The following CHRM3 variants were observed in gnomAD, a reference collection of about 807,000 sequenced individuals.
CHRM3 encodes the protein cholinergic receptor muscarinic 3.
A neutral mutation model predicts 41.8 loss-of-function variants in CHRM3; 11 were observed. The ratio of observed to expected loss-of-function variants is 0.26; its 90% confidence interval spans 0.17 to 0.44. The LOEUF is 0.44. Among genes scored for constraint, CHRM3 ranks in the 20% least tolerant of loss-of-function variants. The probability of loss-of-function intolerance (pLI) is 1.00; values close to 1 mark genes in which losing one functional copy is unlikely to be tolerated. For synonymous variants in CHRM3, 297 were observed against 301.4 expected, an observed-to-expected ratio of 0.99 and a Z score of 0.15; for missense variants, 571 against 745.4, an observed-to-expected ratio of 0.77 and a Z score of 2.72.
At chr1:239,620,430 A>G (rs1239702801) in intron 3 of CHRM3, among the ~76,000 whole-genome samples, 3 of 152,180 alleles carry the variant, frequency 2.0e-5, no homozygotes, top group African/African-American at 4.8e-5. Context: ...ATACGTAGGT[A>G]GATACATATA....
chr1:239,555,899 G>A (rs962794772), intron 3 of CHRM3, among the ~76,000 whole-genome samples: 2 of 152,156 alleles, frequency 1.3e-5, no homozygotes, highest in African/African-American at 4.8e-5. Flanking sequence ...GCATCAAAAG[G>A]AACAGTTCAA....
At chr1:239,462,189 A>T (rs959129752) in intron 1 of CHRM3, among the ~76,000 whole-genome samples, 1 of 152,134 alleles carries the variant, frequency 6.6e-6, no homozygotes, top group Admixed American at 6.5e-5. Context: ...TGATTTGGAG[A>T]TATTTACTAA....
intron 5 of CHRM3, among the ~76,000 whole-genome samples, chr1:239,815,886 G>A (rs7543259): frequency 0.27 from 40,754 of 152,022 alleles, 5,701 homozygotes; most frequent in East Asian, 0.45. Context: ...TGAATGATGC[G>A]CAGTGACAGC....
At chr1:239,526,101 A>T (rs1023060922) in intron 2 of CHRM3, among the ~76,000 whole-genome samples, 14 of 152,170 alleles carry the variant, frequency 9.2e-5, no homozygotes, top group African/African-American at 2.4e-4. Flanking sequence ...ATATGGGGCA[A>T]TCGGAATTAA....
chr1:239,913,776 G>A lies in CHRM3; in HGVS notation c.*4552G>A, dbSNP rs142519548. The A allele has an allele frequency of 1.3e-3, 222 of 167,142 alleles. No individual in the cohort carries two copies. The highest frequency in any genetic ancestry group is 5.1e-3 in the African/African-American group (210 of 41,550). The allele number at this position is 167,142 out of a possible 1,614,324, so 10.4% of individuals were successfully genotyped here. A position where few individuals can be genotyped will look rare whatever the true frequency, so the allele number is the denominator to read the frequency against. On this transcript the variant is annotated 3_prime_UTR_variant, in exon 7 of 7. Coordinates refer to ENST00000676153, the MANE Select transcript of CHRM3 (RefSeq NM_001375978.1). ...GTAACTGCACAGTGTTTTGTTGTAC[G>A]GCTCAGAAATGAGCAAGTGTTAGTA...
chr1:239,607,609 A>C (rs983192011), intron 3 of CHRM3, among the ~76,000 whole-genome samples: 1 of 152,156 alleles, frequency 6.6e-6, no homozygotes, highest in Non-Finnish European at 1.5e-5. Context: ...GTTTTTTTAC[A>C]TGTAAATTAT....
At chr1:239,874,602 C>A (rs992818865) in intron 6 of CHRM3, among the ~76,000 whole-genome samples, 8 of 151,654 alleles carry the variant, frequency 5.3e-5, no homozygotes, top group Admixed American at 5.3e-4. Context: ...TTAGAGCACA[C>A]ACACACATTC....
chr1:239,599,204 AC>A (rs1403781305), intron 3 of CHRM3, among the ~76,000 whole-genome samples: 1 of 152,108 alleles, frequency 6.6e-6, no homozygotes, highest in East Asian at 1.9e-4. Context: ...ACCCAATAAA[AC>A]AATGACTGTT....
At chr1:239,856,823 G>A (rs544946744) in intron 6 of CHRM3, among the ~76,000 whole-genome samples, 1 of 152,116 alleles carries the variant, frequency 6.6e-6, no homozygotes, top group African/African-American at 2.4e-5. Flanking sequence ...TTAGAGAGGG[G>A]CATCACTAGC....
intron 4 of CHRM3, among the ~76,000 whole-genome samples, chr1:239,653,279 G>A (rs1295370947): frequency 1.3e-5 from 2 of 152,132 alleles, no homozygotes; most frequent in East Asian, 3.9e-4. Flanking sequence ...GGCAGTCCAG[G>A]GTGAGCAGAT....
chr1:239,820,932 G>T (rs1298075053), intron 5 of CHRM3, among the ~76,000 whole-genome samples: 1 of 152,090 alleles, frequency 6.6e-6, no homozygotes, highest in East Asian at 1.9e-4. Flanking sequence ...TTCACTAGGG[G>T]CTCACACAAT....
intron 5 of CHRM3, among the ~76,000 whole-genome samples, chr1:239,799,729 C>T (rs1312652948): frequency 1.3e-5 from 2 of 152,156 alleles, no homozygotes; most frequent in Non-Finnish European, 2.9e-5. Flanking sequence ...TGTCACTCTG[C>T]CCAACATCAA....
intron 1 of CHRM3, among the ~76,000 whole-genome samples, chr1:239,443,180 C>T (rs1663860635): frequency 6.6e-6 from 1 of 152,114 alleles, no homozygotes; most frequent in Non-Finnish European, 1.5e-5. Flanking sequence ...AGTGAATTTA[C>T]AATATTTGTC....
intron 6 of CHRM3, among the ~76,000 whole-genome samples, chr1:239,892,258 T>C (rs12068071): frequency 0.093 from 14,108 of 152,194 alleles, 1,887 homozygotes; most frequent in African/African-American, 0.29. Flanking sequence ...TTTTCCAATA[T>C]TTAATTATAT....
At chr1:239,491,491 G>A (rs1667550016) in intron 1 of CHRM3, among the ~76,000 whole-genome samples, 1 of 152,188 alleles carries the variant, frequency 6.6e-6, no homozygotes, top group South Asian at 2.1e-4. Flanking sequence ...TCTTCTCCAA[G>A]CTCCATGTTG....
intron 2 of CHRM3, among the ~76,000 whole-genome samples, chr1:239,537,781 G>A (rs192885605): frequency 1.3e-5 from 2 of 152,222 alleles, no homozygotes; most frequent in Admixed American, 1.3e-4. Context: ...GTTACACTGA[G>A]TTCTGCAATT....
At chr1:239,458,590 TATA>T (rs1470975182) in intron 1 of CHRM3, among the ~76,000 whole-genome samples, 1 of 152,318 alleles carries the variant, frequency 6.6e-6, no homozygotes, top group Non-Finnish European at 1.5e-5. Flanking sequence ...GCATAATAAT[TATA>T]ATAATAGGGC....
intron 1 of CHRM3, among the ~76,000 whole-genome samples, chr1:239,455,357 T>C (rs1361852582): frequency 7.3e-6 from 1 of 137,224 alleles, no homozygotes; most frequent in Non-Finnish European, 1.5e-5. Context: ...AGCCTTCTAC[T>C]TTTTTTTTTT....
At chr1:239,759,982 T>C (rs1382667022) in intron 5 of CHRM3, among the ~76,000 whole-genome samples, 1 of 152,150 alleles carries the variant, frequency 6.6e-6, no homozygotes, top group Admixed American at 6.5e-5. Flanking sequence ...TGGCGCGATC[T>C]AGACTCACTG....
Sources: allele counts gnomAD v4.1 joint callset (sites outside exome capture counted in the v4.1 genomes callset), GRCh38; gene constraint gnomAD v4.1.1; transcripts MANE v1.5; gene names NCBI Gene and HGNC (gene_info 2026-07-23, HGNC 2026-07-21).